MINAR1: variants seen among roughly 807,000 people sequenced by gnomAD.
The protein encoded by MINAR1 is membrane integral NOTCH2 associated receptor 1, also known as major intrinsically disordered Notch2-binding receptor 1.
MINAR1 carries 40 observed loss-of-function variants against 65.1 expected under a neutral mutation model. The observed-to-expected ratio is 0.61, with a 90% CI of 0.48 to 0.80. The LOEUF (loss-of-function observed/expected upper bound fraction) is 0.80. Among genes scored for constraint, MINAR1 ranks in the 30% least tolerant of loss-of-function variants. The pLI, the probability that MINAR1 is intolerant of heterozygous loss-of-function variation, is 0.00. For missense variants in MINAR1, 1,128 were observed against 1,148.0 expected, an observed-to-expected ratio of 0.98 and a Z score of 0.25; for synonymous variants, 482 against 449.1, an observed-to-expected ratio of 1.07 and a Z score of -0.93.
At chr15:79,426,907 A>G in the MINAR1 span, 1 of 152,238 alleles carries the variant, frequency 6.6e-6, no homozygotes, top group Non-Finnish European at 1.5e-5. Flanking sequence ...TGTCCCAGCA[A>G]TCCATTATTG....
chr15:79,415,935 T>C, the MINAR1 span: 1 of 152,216 alleles, frequency 6.6e-6, no homozygotes, highest in African/African-American at 2.4e-5. Context: ...TAAAAAATTA[T>C]AGAAAAAATC....
chr15:79,465,318 C>G (rs1010337846), intron 3 of MINAR1, among the ~76,000 whole-genome samples: 1 of 152,202 alleles, frequency 6.6e-6, no homozygotes, highest in East Asian at 1.9e-4. Context: ...GTGTTGGTGT[C>G]TGGACAATCT....
intron 2 of MINAR1, among the ~76,000 whole-genome samples, chr15:79,461,602 G>A (rs1056723677): frequency 2.0e-5 from 3 of 152,210 alleles, no homozygotes; most frequent in Non-Finnish European, 4.4e-5. Context: ...TCATTTTCTT[G>A]TGTGGGTTTA....
chr15:79,463,610 C>T lies in MINAR1; in HGVS notation c.2553+289C>T, dbSNP rs1411517411. The T allele has an allele frequency of 6.5e-6, 4 of 613,600 alleles. No homozygotes were observed. In the African/African-American group the frequency reaches 7.2e-5, roughly 11 times the overall value. 38.0% of individuals were successfully genotyped at this position (613,600 alleles called of 1,614,324 possible). ...CTAACAATGCATTTACGACTCTGTA[C>T]CAAGTGCAGATTCTAATATTTGCTC... On this transcript the variant is annotated intron_variant, in intron 3 of 3. Coordinates refer to ENST00000305428, the MANE Select transcript of MINAR1 (RefSeq NM_015206.3).
chr15:79,423,949 CAT>C, the MINAR1 span: 1 of 152,218 alleles, frequency 6.6e-6, no homozygotes, highest in African/African-American at 2.4e-5. Context: ...GAGGGCCTGA[CAT>C]ATTGGTAGCA....
intron 2 of MINAR1, 85 bp downstream of exon 2, chr15:79,458,530 C>T: frequency 6.7e-7 from 1 of 1,484,610 alleles, no homozygotes; most frequent in Middle Eastern, 2.2e-4. Context: ...TGGCGTTAAA[C>T]AGGCAAGAGG....
intron 1 of MINAR1, among the ~76,000 whole-genome samples, chr15:79,434,542 C>G (rs1894540830): frequency 6.6e-6 from 1 of 152,206 alleles, no homozygotes; most frequent in Non-Finnish European, 1.5e-5. Context: ...GGCTCTGTGC[C>G]TGCTGGGCAG....
rs1437362558 is a variant in MINAR1, at chr15:79,468,795, A to G, written c.*411A>G. 1 of 194,168 alleles carries G rather than the reference A, an allele frequency of 5.2e-6. No homozygotes were observed. The highest frequency in any genetic ancestry group is 1.3e-4 in the East Asian group (1 of 7,540). 12.0% of individuals were successfully genotyped at this position (194,168 alleles called of 1,614,324 possible). ...AAGAAACTAAGGGAAATAGCAACAT[A>G]AGAAGAAAAGAGGTGGCTTCTCTTT... On this transcript the variant is annotated 3_prime_UTR_variant, in exon 4 of 4. Transcript: ENST00000305428.
At chr15:79,443,922 T>C (rs1302819057) in intron 1 of MINAR1, among the ~76,000 whole-genome samples, 1 of 152,224 alleles carries the variant, frequency 6.6e-6, no homozygotes, top group Non-Finnish European at 1.5e-5. Flanking sequence ...CAGTAGCATA[T>C]AAAAACTGTT....
In MINAR1 at chr15:79,468,342, C is replaced by A. The variant is rs755476461; in HGVS notation, c.2709C>A (p.Val903=). 1 of 1,614,156 alleles carries A rather than the reference C, an allele frequency of 6.2e-7. No homozygotes were observed. The highest frequency in any genetic ancestry group is 8.5e-7 in the Non-Finnish European group (1 of 1,180,012). The stretch of plus-strand genomic sequence containing the variant: ...TGATCGCTGCTGCGGCATGCACCGT[C>A]ATCCTCGTTATTGTCGTGCCCATCT... ...AALIAAAACT[V]ILVIVVPICT... Residue 903 remains valine (V), a synonymous_variant, in exon 4 of 4, where the codon GTC becomes GTA. Coordinates refer to ENST00000305428, the MANE Select transcript of MINAR1 (RefSeq NM_015206.3).
upstream of MINAR1, among the ~76,000 whole-genome samples, chr15:79,428,354 C>A (rs1894363514): frequency 1.2e-5 from 1 of 82,502 alleles, no homozygotes; most frequent in Non-Finnish European, 2.5e-5. Flanking sequence ...TCCCTCCTTG[C>A]CTCCTTTTCT....
chr15:79,457,598 C>T lies in MINAR1; in HGVS notation c.1451C>T (p.Pro484Leu), dbSNP rs773744096. ...VGTQTEHVLE[P>L]KKCRDLCTSG... ...ACCCAGACTGAGCACGTGCTGGAGC[C>T]CAAGAAATGCAGAGACCTGTGCACC... is the stretch of plus-strand genomic sequence containing the variant. Residue 484 changes from proline to leucine, a missense_variant, in exon 2 of 4, where the codon CCC (proline) becomes CTC (leucine). Pro to Leu is a moderately conservative substitution (Grantham distance 98, BLOSUM62 -3). Coordinates refer to ENST00000305428, the MANE Select transcript of MINAR1 (RefSeq NM_015206.3). 6.2e-7 allele frequency: 1 copy of T among 1,614,094 alleles called. No individual in the cohort carries two copies. Among genetic ancestry groups the T allele is most frequent in the Non-Finnish European group, 8.5e-7 (1 of 1,180,022 alleles).
rs1567058219 is a variant in MINAR1, at chr15:79,457,181, T to C, written c.1034T>C (p.Val345Ala). Residue 345 changes from valine (V) to alanine (A), a missense_variant, in exon 2 of 4, where the codon GTG becomes GCG. Physicochemically the swap from Val to Ala is moderately conservative, Grantham distance 64. Transcript: ENST00000305428. ...QASTYFGPTP[V>A]MGTQEARRCL... ...TCTACATATTTTGGGCCCACTCCCG[T>C]GATGGGAACCCAAGAAGCCAGGCGC... is the stretch of plus-strand genomic sequence containing the variant. 1 of 1,614,040 alleles carries C rather than the reference T, an allele frequency of 6.2e-7. No homozygotes were observed. Among genetic ancestry groups the C allele is most frequent in the Non-Finnish European group, 8.5e-7 (1 of 1,180,038 alleles).
chr15:79,468,431 G>A lies in MINAR1; in HGVS notation c.*47G>A, dbSNP rs184151420. Reference sequence around the variant, plus strand: ...ACAGCTTATGACTACCAATGTCGTCGTCTGTATCTTAGAATCTTGCAGCAG... The same window carrying A: ...ACAGCTTATGACTACCAATGTCGTCATCTGTATCTTAGAATCTTGCAGCAG... On this transcript the variant is annotated 3_prime_UTR_variant, in exon 4 of 4. Coordinates refer to ENST00000305428, the MANE Select transcript of MINAR1 (RefSeq NM_015206.3). The A allele has an allele frequency of 1.1e-4, 171 of 1,540,212 alleles. No individual in the cohort carries two copies. In the African/African-American group the frequency reaches 1.9e-3, roughly 17 times the overall value.
the MINAR1 span, chr15:79,424,280 C>T: frequency 6.6e-6 from 1 of 152,338 alleles, no homozygotes; most frequent in South Asian, 2.1e-4. Flanking sequence ...AAAATAGCAC[C>T]TGAAGCACCA....
In MINAR1 at chr15:79,471,636, C is replaced by T. The variant is rs1205490825; in HGVS notation, c.*3252C>T. 1.3e-5 allele frequency: 2 copies of T among 152,268 alleles called. No individual in the cohort carries two copies. The highest frequency in any genetic ancestry group is 4.8e-5 in the African/African-American group (2 of 41,280). 9.4% of individuals were successfully genotyped at this position (152,268 alleles called of 1,614,324 possible). A position where few individuals can be genotyped will look rare whatever the true frequency, so the allele number is the denominator to read the frequency against. On this transcript the variant is annotated 3_prime_UTR_variant, in exon 4 of 4. Transcript: ENST00000305428. ...ATATCTGTGCCATAGTTCTGATACC[C>T]TTATTGGAATCAAGGCAGTGCTGTT...
chr15:79,424,614 GT>G, the MINAR1 span: 1 of 152,222 alleles, frequency 6.6e-6, no homozygotes, highest in Non-Finnish European at 1.5e-5. Flanking sequence ...TTGCATGAAA[GT>G]ACAGAGATGA....
upstream of MINAR1, among the ~76,000 whole-genome samples, chr15:79,430,869 T>G (rs908820000): frequency 6.6e-6 from 1 of 152,152 alleles, no homozygotes; most frequent in Non-Finnish European, 1.5e-5. Context: ...AGTTCACTTT[T>G]GTTTGCTTGT....
intron 2 of MINAR1, among the ~76,000 whole-genome samples, chr15:79,461,833 A>G (rs560359967): frequency 6.6e-6 from 1 of 152,140 alleles, no homozygotes; most frequent in Admixed American, 6.5e-5. Flanking sequence ...ACACACATAC[A>G]AGTGTGCTTC....
Sources: gnomAD v4.1 joint callset for allele counts (sites outside exome capture counted in the v4.1 genomes callset) on GRCh38, gnomAD v4.1.1 for gene constraint, MANE v1.5 for transcripts, NCBI Gene and HGNC (gene_info 2026-07-23, HGNC 2026-07-21) for gene names.